Variants in PARD3 observed in about 807,000 individuals in gnomAD.
PARD3 encodes the protein par-3 family cell polarity regulator.
Under a neutral mutation model 155.4 loss-of-function variants are expected in PARD3, and 75 were observed. The ratio of observed to expected loss-of-function variants is 0.48; its 90% CI spans 0.40 to 0.58. PARD3 has a LOEUF of 0.58. Ranked by LOEUF, PARD3 falls within the 20% of genes least tolerant of loss-of-function variation. PARD3 has a pLI of 0.00. For missense variants in PARD3, 1,642 were observed against 1,721.7 expected (o/e 0.95, Z 0.82); for synonymous variants, 576 against 610.5 (o/e 0.94, Z 0.83).
At chr10:34,168,312 G>A (rs1302131371) in intron 22 of PARD3, among the ~76,000 whole-genome samples, 2 of 152,132 alleles carry the variant, frequency 1.3e-5, no homozygotes, top group East Asian at 1.9e-4. Flanking sequence ...CCCTTGCTGC[G>A]TACTTTGATT....
intron 2 of PARD3, among the ~76,000 whole-genome samples, chr10:34,557,660 G>A (rs530393605): frequency 4.3e-4 from 66 of 151,856 alleles, no homozygotes; most frequent in Non-Finnish European, 8.8e-4. Context: ...GTTTCACCAC[G>A]TTGCCCAGGC....
At chr10:34,540,222 T>A (rs1292598429) in intron 2 of PARD3, among the ~76,000 whole-genome samples, 1 of 151,848 alleles carries the variant, frequency 6.6e-6, no homozygotes, top group African/African-American at 2.4e-5. Context: ...CTCTGCTGCA[T>A]CCCCAGGACC....
chr10:34,706,068 G>A (rs1169777529), intron 1 of PARD3, among the ~76,000 whole-genome samples: 1 of 152,132 alleles, frequency 6.6e-6, no homozygotes, highest in African/African-American at 2.4e-5. Context: ...AGAAATGAAG[G>A]GAATGGCCTC....
chr10:34,781,876 A>C (rs1840277106), intron 1 of PARD3, among the ~76,000 whole-genome samples: 1 of 152,198 alleles, frequency 6.6e-6, no homozygotes, highest in Non-Finnish European at 1.5e-5. Context: ...TGGCCCAAAA[A>C]TCACAAACAT....
intron 3 of PARD3, among the ~76,000 whole-genome samples, chr10:34,499,143 C>CA (rs1554878471): frequency 6.7e-6 from 1 of 148,746 alleles, no homozygotes; most frequent in Non-Finnish European, 1.5e-5. Context: ...AGTACATGTT[C>CA]TTTTTTTTTT....
In PARD3 at chr10:34,389,807, C is replaced by T. The variant is rs376712624; in HGVS notation, c.891-5553G>A. 1.4e-3 allele frequency among the ~76,000 whole-genome samples: 206 copies of T among 152,124 alleles called. 2 individuals carry two copies. Among genetic ancestry groups the T allele is most frequent in the African/African-American group, 4.6e-3 (191 of 41,494 alleles). On this transcript the variant is annotated intron_variant, in intron 7 of 24. Coordinates refer to ENST00000374788, the MANE Select transcript of PARD3 (RefSeq NM_001184785.2). ...CAAAAGGAGAAAGTTTAAAGGAATG[C>T]CAAGTTAAAACTTTAAATCTTAATT...
chr10:34,345,643 TG>T, intron 15 of PARD3: 1 of 985,424 alleles, frequency 1.0e-6, no homozygotes, highest in Non-Finnish European at 1.2e-6. Context: ...CTAATGTCTT[TG>T]GAACTATGGA....
At chr10:34,657,007 CTACTTTT>C (rs1425634026) in intron 2 of PARD3, among the ~76,000 whole-genome samples, 2 of 152,196 alleles carry the variant, frequency 1.3e-5, no homozygotes, top group Non-Finnish European at 2.9e-5. Context: ...GTCACATTTT[CTACTTTT>C]TACTCTGTGT....
chr10:34,236,995 C>T (rs547377063), intron 22 of PARD3, among the ~76,000 whole-genome samples: 52 of 152,116 alleles, frequency 3.4e-4, no homozygotes, highest in African/African-American at 1.1e-3. Context: ...TAAATTTATC[C>T]GAATAACAGA....
At chr10:34,302,198 T>A (rs761792869) in intron 20 of PARD3, among the ~76,000 whole-genome samples, 4 of 152,082 alleles carry the variant, frequency 2.6e-5, no homozygotes, top group Non-Finnish European at 5.9e-5. Context: ...CTAAATGGTG[T>A]TTTTCAAATT....
At chr10:34,770,746 T>C (rs1006597521) in intron 1 of PARD3, among the ~76,000 whole-genome samples, 1 of 152,172 alleles carries the variant, frequency 6.6e-6, no homozygotes, top group Non-Finnish European at 1.5e-5. Flanking sequence ...GGCAGATAAA[T>C]TGTATCTTAA....
intron 2 of PARD3, among the ~76,000 whole-genome samples, chr10:34,672,559 T>C (rs951412250): frequency 2.0e-5 from 3 of 152,216 alleles, no homozygotes; most frequent in Non-Finnish European, 4.4e-5. Flanking sequence ...GGCTCATGCC[T>C]GTAATCCCAG....
chr10:34,147,732 T>TA (rs1336284810), intron 22 of PARD3, among the ~76,000 whole-genome samples: 2 of 152,004 alleles, frequency 1.3e-5, no homozygotes, highest in Non-Finnish European at 2.9e-5. Context: ...TATAATTTTT[T>TA]AAAAAAATCT....
At chr10:34,478,989 T>A (rs1294197910) in intron 3 of PARD3, among the ~76,000 whole-genome samples, 2 of 152,024 alleles carry the variant, frequency 1.3e-5, no homozygotes, top group African/African-American at 4.8e-5. Flanking sequence ...CAAGAAAAAA[T>A]CTGAATAAGA....
At chr10:34,169,898 G>C (rs1949708059) in intron 22 of PARD3, among the ~76,000 whole-genome samples, 1 of 152,176 alleles carries the variant, frequency 6.6e-6, no homozygotes, top group African/African-American at 2.4e-5. Context: ...CTGCCCTGCA[G>C]GATGTATCTG....
At chr10:34,303,956 G>C (rs2255030) in intron 20 of PARD3, among the ~76,000 whole-genome samples, 77,904 of 151,938 alleles carry the variant, frequency 0.51, 20,036 homozygotes, top group Middle Eastern at 0.59. Context: ...AGAGGTACAA[G>C]GTGGCATGCA....
At chr10:34,294,623 ATTTATC>A (rs1404027348) in intron 20 of PARD3, among the ~76,000 whole-genome samples, 1 of 152,134 alleles carries the variant, frequency 6.6e-6, no homozygotes, top group Non-Finnish European at 1.5e-5. Flanking sequence ...TTTTCTTTTT[ATTTATC>A]TTTAAGTTAA....
intron 22 of PARD3, among the ~76,000 whole-genome samples, chr10:34,167,668 A>G (rs1045385140): frequency 1.3e-5 from 2 of 152,218 alleles, no homozygotes; most frequent in African/African-American, 4.8e-5. Flanking sequence ...ACCGAATAAA[A>G]TAGAAAAACG....
chr10:34,309,562 A>G, intron 20 of PARD3, among the ~76,000 whole-genome samples: 1 of 106,800 alleles, frequency 9.4e-6, no homozygotes, highest in African/African-American at 5.0e-5. Flanking sequence ...AAAAAAAAAA[A>G]AAAAAAAAAA....
Sources: gnomAD v4.1 joint callset for allele counts (sites outside exome capture counted in the v4.1 genomes callset) on GRCh38, gnomAD v4.1.1 for gene constraint, MANE v1.5 for transcripts, NCBI Gene and HGNC (gene_info 2026-07-23, HGNC 2026-07-21) for gene names.